FSD2: variants seen among roughly 807,000 people sequenced by gnomAD.
The protein encoded by FSD2 is fibronectin type III and SPRY domain-containing protein 2.
A neutral mutation model predicts 80.4 loss-of-function variants in FSD2; 71 were observed. The observed-to-expected ratio is 0.88, with a 90% CI of 0.73 to 1.08. The LOEUF (loss-of-function observed/expected upper bound fraction) is 1.08, where lower values mean the gene tolerates loss of function less well. FSD2 is among the 50% of genes least tolerant of loss of function. The pLI is 0.00. For missense variants in FSD2, 923 were observed against 913.8 expected (o/e 1.01, Z -0.13); for synonymous variants, 361 against 329.5 (o/e 1.10, Z -1.03).
intron 7 of FSD2, among the ~76,000 whole-genome samples, chr15:82,770,555 C>T (rs554047526): frequency 1.0e-3 from 158 of 152,234 alleles, no homozygotes; most frequent in Non-Finnish European, 1.9e-3. Context: ...CCTGTAGTCC[C>T]AGCTACTCGG....
At chr15:82,783,431 G>A (rs2049919671) in intron 3 of FSD2, among the ~76,000 whole-genome samples, 1 of 152,140 alleles carries the variant, frequency 6.6e-6, no homozygotes. Flanking sequence ...GAAAATATGT[G>A]CCTATCAGAA....
chr15:82,759,542 G>A lies in FSD2; in HGVS notation c.2056C>T (p.Pro686Ser). 2 of 1,606,942 alleles carry A rather than the reference G, an allele frequency of 1.2e-6. No individual in the cohort carries two copies. Among genetic ancestry groups the A allele is most frequent in the South Asian group, 1.1e-5 (1 of 89,846 alleles). The change falls in exon 13 of 13, where the codon CCA (proline) becomes TCA (serine). Residue 686 changes from proline to serine, a missense_variant. Transcript: ENST00000334574. ...TTPDIRITVP[P>S]KKIGILLDYE... ...TCTAATAGAATGCCAATCTTCTTTG[G>A]TGGAACTGTTATTCTTATATCTGGA...
intron 12 of FSD2, among the ~76,000 whole-genome samples, chr15:82,760,388 T>C (rs2049265182): frequency 1.3e-5 from 2 of 152,282 alleles, no homozygotes; most frequent in African/African-American, 2.4e-5. Flanking sequence ...CTACATCCTG[T>C]GTACTTTGAA....
In FSD2 at chr15:82,756,042, A is replaced by C. The variant is rs1167778046; in HGVS notation, c.*3306T>G. 2.0e-6 allele frequency: 1 copy of C among 505,096 alleles called. No homozygotes were observed. Among genetic ancestry groups the C allele is most frequent in the South Asian group, 1.4e-5 (1 of 68,986 alleles). The allele number at this position is 505,096 out of a possible 1,614,324, so 31.3% of individuals were successfully genotyped here. A position where few individuals can be genotyped will look rare whatever the true frequency, so the allele number is the denominator to read the frequency against. On this transcript the variant is annotated 3_prime_UTR_variant, in exon 13 of 13. Transcript: ENST00000334574. Reference sequence around the variant, plus strand: ...TAGAACAGGTCTTGTTTGCAAAATAAATTCAAGACCTACTTATCTACCAAC... The same window carrying C: ...TAGAACAGGTCTTGTTTGCAAAATACATTCAAGACCTACTTATCTACCAAC...
At chr15:82,790,586 G>A (rs1292408983) in intron 1 of FSD2, among the ~76,000 whole-genome samples, 1 of 151,372 alleles carries the variant, frequency 6.6e-6, no homozygotes, top group Non-Finnish European at 1.5e-5. Context: ...GTGTGTGTGT[G>A]TGTGTTTGAG....
intron 3 of FSD2, among the ~76,000 whole-genome samples, chr15:82,785,916 CAAAT>C (rs1028821977): frequency 7.2e-5 from 11 of 152,178 alleles, no homozygotes; most frequent in African/African-American, 2.4e-4. Flanking sequence ...AGGTCCAAAA[CAAAT>C]AAACAAACCC....
chr15:82,775,856 G>A (rs981591513), intron 6 of FSD2, among the ~76,000 whole-genome samples: 1 of 152,122 alleles, frequency 6.6e-6, no homozygotes, highest in African/African-American at 2.4e-5. Flanking sequence ...TTATCTCAAG[G>A]TTTTTAAAAT....
At chr15:82,768,829 C>T in intron 9 of FSD2, 51 bp downstream of exon 9, 2 of 1,370,290 alleles carry the variant, frequency 1.5e-6, no homozygotes, top group Non-Finnish European at 1.9e-6. Context: ...AGCCATGTCA[C>T]TGTATCAGGT....
rs140102053 is a variant in FSD2, at chr15:82,777,517, A to C, written c.1111+1249T>G. On this transcript the variant is annotated intron_variant, in intron 6 of 12. Coordinates refer to ENST00000334574, the MANE Select transcript of FSD2 (RefSeq NM_001007122.4). ...AAATGCGCATCAAAACCACAATGAGATATCACCTCATACCTGCTAGGATGA... is the reference window on the plus strand; with the variant it reads ...AAATGCGCATCAAAACCACAATGAGCTATCACCTCATACCTGCTAGGATGA... 1.6e-3 allele frequency among the ~76,000 whole-genome samples: 251 copies of C among 152,146 alleles called. 1 individual carries two copies. The highest frequency in any genetic ancestry group is 3.0e-3 in the Non-Finnish European group (205 of 68,006).
chr15:82,775,312 C>T lies in FSD2; in HGVS notation c.1112-3084G>A, dbSNP rs897984730. Among the ~76,000 whole-genome samples the T allele has an allele frequency of 4.6e-5, 7 of 151,684 alleles. 1 individual carries two copies. Among genetic ancestry groups the T allele is most frequent in the Non-Finnish European group, 7.4e-5 (5 of 67,950 alleles). ...ACTCGGGAGGCTGAGGCAGGAGAAT[C>T]GCTGGAACCCAGGAGGCTGAGGTTG... On this transcript the variant is annotated intron_variant, in intron 6 of 12. Coordinates refer to ENST00000334574, the MANE Select transcript of FSD2 (RefSeq NM_001007122.4).
At chr15:82,780,482 G>A (rs1055057413) in intron 4 of FSD2, among the ~76,000 whole-genome samples, 4 of 151,396 alleles carry the variant, frequency 2.6e-5, no homozygotes, top group Admixed American at 1.3e-4. Context: ...TTACAGGCAC[G>A]CACCACCACA....
intron 1 of FSD2, among the ~76,000 whole-genome samples, chr15:82,790,559 T>TGTGTGTGTTCGTGC (rs903924585): frequency 6.6e-6 from 1 of 151,504 alleles, no homozygotes; most frequent in African/African-American, 2.4e-5. Context: ...TGTGTGTGTG[T>TGTGTGTGTTCGTGC]GTGTGTGTTC....
rs754677264 is a variant in FSD2 at position 82,759,598 on chromosome 15, T to C, written c.2000A>G (p.His667Arg). The change falls in exon 13 of 13, where the codon CAT becomes CGT. Residue 667 changes from histidine to arginine, a missense_variant and splice_region_variant. Physicochemically the swap from His to Arg is conservative, Grantham distance 29. Coordinates refer to ENST00000334574, the MANE Select transcript of FSD2 (RefSeq NM_001007122.4). ...TCTGTTGTGCAGAAATTCATACTTA[T>C]GCCTGAAAATTAAATTTGACATAAT... ...CMRHTFASSR[H>R]KYEFLHNRTT... is the part of the protein sequence containing the mutation. The C allele has an allele frequency of 1.7e-5, 27 of 1,562,150 alleles. No homozygotes were observed. The Admixed American group carries it at 2.4e-4, about 14-fold the overall frequency.
intron 4 of FSD2, among the ~76,000 whole-genome samples, 163 bp downstream of exon 4, chr15:82,782,632 G>T (rs561795161): frequency 6.6e-6 from 1 of 152,276 alleles, no homozygotes; most frequent in Non-Finnish European, 1.5e-5. Flanking sequence ...TCCCCATCAC[G>T]ATCATCCAGT....
chr15:82,789,427 G>A (rs994377242), intron 1 of FSD2, among the ~76,000 whole-genome samples: 2 of 151,724 alleles, frequency 1.3e-5, no homozygotes, highest in Admixed American at 1.3e-4. Flanking sequence ...AACACTTATC[G>A]TATGCCTTTT....
At chr15:82,778,145 TATATATATATATA>T (rs1476650290) in intron 6 of FSD2, among the ~76,000 whole-genome samples, 2 of 137,190 alleles carry the variant, frequency 1.5e-5, no homozygotes, top group African/African-American at 5.8e-5. Context: ...TATATATATA[TATATATATATATA>T]ATAACTATTA....
At chr15:82,784,476 G>A (rs1175601617) in intron 3 of FSD2, among the ~76,000 whole-genome samples, 1 of 152,090 alleles carries the variant, frequency 6.6e-6, no homozygotes, top group Non-Finnish European at 1.5e-5. Flanking sequence ...TCGAACTCCT[G>A]ACCTCAAGTG....
Position 82,765,885 on chromosome 15 carries a change from C to T in FSD2, c.1687+13G>A. 1.3e-6 allele frequency: 2 copies of T among 1,595,676 alleles called. No individual in the cohort carries two copies. The highest frequency in any genetic ancestry group is 1.7e-6 in the Non-Finnish European group (2 of 1,169,230). On this transcript the variant is annotated intron_variant, in intron 10 of 12. Coordinates refer to ENST00000334574, the MANE Select transcript of FSD2 (RefSeq NM_001007122.4). ...CTTTGGGTCCCAGAGACTTTGTGGGCTGGGGCACAGACCTATGGTGTGGAC... is the reference window on the plus strand; with the variant it reads ...CTTTGGGTCCCAGAGACTTTGTGGGTTGGGGCACAGACCTATGGTGTGGAC...
intron 7 of FSD2, among the ~76,000 whole-genome samples, chr15:82,771,799 A>G (rs964153392): frequency 6.6e-5 from 10 of 152,208 alleles, no homozygotes; most frequent in African/African-American, 2.4e-4. Flanking sequence ...CCTCCTGCAC[A>G]CAGGGCAGCC....
Sources: gnomAD v4.1 joint callset for allele counts (sites outside exome capture counted in the v4.1 genomes callset) on GRCh38, gnomAD v4.1.1 for gene constraint, MANE v1.5 for transcripts, NCBI Gene and HGNC (gene_info 2026-07-23, HGNC 2026-07-21) for gene names.